The following THSD7A variants were observed in gnomAD, a reference collection of about 807,000 sequenced individuals.
The protein encoded by THSD7A is thrombospondin type 1 domain containing 7A, also known as thrombospondin type-1 domain-containing protein 7A.
In THSD7A, 96 loss-of-function variants were observed where a neutral mutation model predicts 231.3. The ratio of observed to expected loss-of-function variants is 0.41; its 90% CI spans 0.35 to 0.49. The LOEUF (loss-of-function observed/expected upper bound fraction) is 0.49. Among genes scored for constraint, THSD7A ranks in the 20% least tolerant of loss-of-function variants. The pLI is 0.05. For synonymous variants in THSD7A, 940 were observed against 743.3 expected (o/e 1.26, Z -4.30); for missense variants, 2,290 against 2,070.2 (o/e 1.11, Z -2.06).
chr7:11,792,283 T>C (rs939150834), intron 1 of THSD7A, among the ~76,000 whole-genome samples: 6 of 151,998 alleles, frequency 3.9e-5, no homozygotes, highest in African/African-American at 1.4e-4. Context: ...TACAAAGAGC[T>C]TTTTCACAGT....
chr7:11,719,580 G>A (rs1000103142), intron 1 of THSD7A, among the ~76,000 whole-genome samples: 1 of 151,330 alleles, frequency 6.6e-6, no homozygotes, highest in Non-Finnish European at 1.5e-5. Flanking sequence ...TGGATCGCTC[G>A]GTCCTTTTGC....
chr7:11,733,918 G>T (rs2128158226), intron 1 of THSD7A, among the ~76,000 whole-genome samples: 1 of 151,696 alleles, frequency 6.6e-6, no homozygotes, highest in East Asian at 2.0e-4. Flanking sequence ...CCTATGTCTG[G>T]CTACTATATT....
intron 1 of THSD7A, among the ~76,000 whole-genome samples, chr7:11,773,944 G>C (rs904820521): frequency 6.6e-6 from 1 of 152,088 alleles, no homozygotes; most frequent in Non-Finnish European, 1.5e-5. Flanking sequence ...CACAGACACA[G>C]ATAAATGGCC....
chr7:11,635,478 T>G (rs1399643763), intron 2 of THSD7A, among the ~76,000 whole-genome samples: 1 of 152,248 alleles, frequency 6.6e-6, no homozygotes, highest in African/African-American at 2.4e-5. Context: ...ATAGTCATTA[T>G]GTACCCAAAG....
chr7:11,522,496 G>T (rs1383757060), intron 6 of THSD7A, among the ~76,000 whole-genome samples: 2 of 152,140 alleles, frequency 1.3e-5, no homozygotes, highest in East Asian at 3.9e-4. Context: ...TTTTCTATGG[G>T]TTTTATCTTT....
intron 1 of THSD7A, among the ~76,000 whole-genome samples, chr7:11,708,246 C>T (rs1306750013): frequency 6.6e-6 from 1 of 150,608 alleles, no homozygotes; most frequent in East Asian, 2.0e-4. Flanking sequence ...TGTAGAATTA[C>T]TTGTCATAAA....
intron 22 of THSD7A, among the ~76,000 whole-genome samples, chr7:11,403,405 T>C (rs1783475285): frequency 2.0e-5 from 3 of 152,184 alleles, no homozygotes; most frequent in Admixed American, 2.0e-4. Context: ...CAGAAAGTTC[T>C]AGTAAATTTT....
intron 4 of THSD7A, among the ~76,000 whole-genome samples, chr7:11,560,084 G>C (rs11773686): frequency 0.056 from 8,455 of 152,150 alleles, 267 homozygotes; most frequent in South Asian, 0.078. Context: ...ACTATACAGA[G>C]GTGGAAATAA....
chr7:11,470,550 A>G (rs887805748), intron 8 of THSD7A, among the ~76,000 whole-genome samples: 2 of 151,824 alleles, frequency 1.3e-5, no homozygotes, highest in African/African-American at 4.8e-5. Context: ...TTAAGATAAT[A>G]AAACTGTATA....
Position 11,474,192 on chromosome 7 carries a change from A to G in THSD7A, c.2252+142T>C. 1.5e-6 allele frequency: 1 copy of G among 658,624 alleles called. No individual in the cohort carries two copies. Among genetic ancestry groups the G allele is most frequent in the Non-Finnish European group, 2.5e-6 (1 of 400,698 alleles). The allele number at this position is 658,624 out of a possible 1,614,324, so 40.8% of individuals were successfully genotyped here. ...GCTGTTATAGCTTTATCAGTGGCTG[A>G]CTTTCAAAACAAACAAATCTTGCTC... On this transcript the variant is annotated intron_variant, in intron 8 of 27. Transcript: ENST00000423059. The surrounding 1 kb of genome is among the most constrained non-coding windows in gnomAD (Gnocchi z 4.1).
chr7:11,699,529 C>T (rs958991974), intron 1 of THSD7A, among the ~76,000 whole-genome samples: 2 of 151,262 alleles, frequency 1.3e-5, no homozygotes, highest in African/African-American at 2.4e-5. Flanking sequence ...GTTCTATACA[C>T]TCAAAATATA....
At chr7:11,539,035 G>C (rs568282647) in intron 6 of THSD7A, among the ~76,000 whole-genome samples, 1 of 152,040 alleles carries the variant, frequency 6.6e-6, no homozygotes, top group Non-Finnish European at 1.5e-5. Context: ...GCCCCTAGTC[G>C]AGCTTTAACT....
chr7:11,773,607 G>A (rs925051433), intron 1 of THSD7A, among the ~76,000 whole-genome samples: 1 of 151,856 alleles, frequency 6.6e-6, no homozygotes, highest in Non-Finnish European at 1.5e-5. Flanking sequence ...TGACCCAAAG[G>A]GAAAACATCA....
At chr7:11,413,258 T>C (rs1783845847) in intron 17 of THSD7A, among the ~76,000 whole-genome samples, 1 of 152,070 alleles carries the variant, frequency 6.6e-6, no homozygotes, top group South Asian at 2.1e-4. Context: ...ACAATTCTAA[T>C]TCTAAATCCT....
At chr7:11,582,177 C>A (rs544943217) in intron 4 of THSD7A, among the ~76,000 whole-genome samples, 2 of 151,748 alleles carry the variant, frequency 1.3e-5, no homozygotes, top group Admixed American at 1.3e-4. Context: ...TTTTATCCAG[C>A]CTCTTTCATT....
At chr7:11,465,412 A>T (rs1785662715) in intron 9 of THSD7A, among the ~76,000 whole-genome samples, 1 of 152,170 alleles carries the variant, frequency 6.6e-6, no homozygotes, top group Non-Finnish European at 1.5e-5. Context: ...GAAAAAACAG[A>T]TCGTACATCT....
chr7:11,452,102 A>G (rs1785165561), intron 11 of THSD7A, among the ~76,000 whole-genome samples: 1 of 151,976 alleles, frequency 6.6e-6, no homozygotes, highest in African/African-American at 2.4e-5. Flanking sequence ...CAATATTAAC[A>G]TGGTTTATAC....
Position 11,722,157 on chromosome 7 carries a change from A to G in THSD7A, c.191-85196T>C, listed in dbSNP as rs1035699918. ...CCTGGGCATAGGCCTAGCTAACCATAGGAGGAATTTAGTTTATAGGTTAAC... is the reference window on the plus strand; with the variant it reads ...CCTGGGCATAGGCCTAGCTAACCATGGGAGGAATTTAGTTTATAGGTTAAC... On this transcript the variant is annotated intron_variant, in intron 1 of 27. Transcript: ENST00000423059. 2.0e-5 allele frequency among the ~76,000 whole-genome samples: 3 copies of G among 151,878 alleles called. No homozygotes were observed. The East Asian group carries it at 5.9e-4, about 30-fold the overall frequency.
chr7:11,575,416 A>C (rs917409452), intron 4 of THSD7A, among the ~76,000 whole-genome samples: 1 of 152,112 alleles, frequency 6.6e-6, no homozygotes, highest in Admixed American at 6.5e-5. Flanking sequence ...CCCTGCATCT[A>C]GTTAGGCCTG....
Sources: gnomAD v4.1 joint callset for allele counts (sites outside exome capture counted in the v4.1 genomes callset) on GRCh38, gnomAD v4.1.1 for gene constraint, Gnocchi (gnomAD v3.1) non-coding constraint, MANE v1.5 for transcripts, NCBI Gene and HGNC (gene_info 2026-07-23, HGNC 2026-07-21) for gene names.